ACBD6: variants seen among roughly 807,000 people sequenced by gnomAD.
ACBD6 encodes the protein acyl-CoA-binding domain-containing protein 6.
ACBD6 carries 28 observed loss-of-function variants against 37.2 expected under a neutral mutation model. That is an observed-to-expected ratio of 0.75 (90% confidence interval 0.56 to 1.03). The LOEUF (loss-of-function observed/expected upper bound fraction) is 1.03, where lower values mean the gene tolerates loss of function less well. Ranked by LOEUF, ACBD6 falls within the 50% of genes least tolerant of loss-of-function variation. The pLI is 0.00. For synonymous variants in ACBD6, 113 were observed against 126.8 expected, an observed-to-expected ratio of 0.89 and a Z score of 0.73; for missense variants, 340 against 337.4, an observed-to-expected ratio of 1.01 and a Z score of -0.06.
chr1:180,459,384 T>C (rs953363874), intron 3 of ACBD6, among the ~76,000 whole-genome samples: 9 of 152,184 alleles, frequency 5.9e-5, no homozygotes, highest in African/African-American at 2.2e-4. Flanking sequence ...CATAAAGCCA[T>C]AGACTGAAAT....
At chr1:180,452,713 A>C (rs1571530525) in intron 3 of ACBD6, among the ~76,000 whole-genome samples, 2 of 152,012 alleles carry the variant, frequency 1.3e-5, no homozygotes, top group African/African-American at 4.8e-5. Flanking sequence ...TAGACACAAC[A>C]AAAAATGATA....
intron 7 of ACBD6, among the ~76,000 whole-genome samples, chr1:180,313,706 T>A (rs1192445313): frequency 6.6e-6 from 1 of 152,156 alleles, no homozygotes; most frequent in African/African-American, 2.4e-5. Context: ...CCAAATAGAA[T>A]CTTTTTTCTT....
intron 7 of ACBD6, among the ~76,000 whole-genome samples, chr1:180,304,038 C>T (rs1431522863): frequency 1.3e-5 from 2 of 150,736 alleles, no homozygotes; most frequent in African/African-American, 2.4e-5. Context: ...CAGAAAAGGC[C>T]TTTGACAAAA....
chr1:180,371,589 G>T (rs570214288), intron 6 of ACBD6, among the ~76,000 whole-genome samples: 43 of 152,166 alleles, frequency 2.8e-4, no homozygotes, highest in African/African-American at 1.0e-3. Context: ...GGTGATCCAG[G>T]TTTCAGAACT....
At chr1:180,487,359 A>C (rs532055371) in intron 3 of ACBD6, among the ~76,000 whole-genome samples, 1 of 152,278 alleles carries the variant, frequency 6.6e-6, no homozygotes, top group East Asian at 1.9e-4. Flanking sequence ...CCTAAGTTTT[A>C]AACTGTGCAC....
intron 6 of ACBD6, among the ~76,000 whole-genome samples, chr1:180,360,737 C>G (rs1236078163): frequency 6.6e-6 from 1 of 152,088 alleles, no homozygotes; most frequent in East Asian, 1.9e-4. Context: ...TTATCTTATT[C>G]CTTAATTTTA....
chr1:180,455,722 T>C (rs1649890424), intron 3 of ACBD6, among the ~76,000 whole-genome samples: 1 of 152,190 alleles, frequency 6.6e-6, no homozygotes, highest in Non-Finnish European at 1.5e-5. Context: ...GATCTTGTCC[T>C]ATTACCACAA....
chr1:180,390,718 C>T (rs1159936656), intron 6 of ACBD6, among the ~76,000 whole-genome samples: 1 of 152,120 alleles, frequency 6.6e-6, no homozygotes, highest in African/African-American at 2.4e-5. Context: ...AGGTCCTTCA[C>T]GTCCCTTGTA....
At chr1:180,498,618 C>T (rs1651824498) in intron 1 of ACBD6, among the ~76,000 whole-genome samples, 1 of 152,034 alleles carries the variant, frequency 6.6e-6, no homozygotes, top group African/African-American at 2.4e-5. Flanking sequence ...CTTTGGGAGG[C>T]CAAGGCAGGT....
intron 7 of ACBD6, among the ~76,000 whole-genome samples, chr1:180,289,366 C>T (rs531101803): frequency 3.3e-5 from 5 of 152,186 alleles, no homozygotes; most frequent in South Asian, 2.1e-4. Flanking sequence ...ATGAGCATTC[C>T]ACATTATCAG....
intron 6 of ACBD6, among the ~76,000 whole-genome samples, chr1:180,394,156 C>A (rs1020816931): frequency 2.6e-5 from 4 of 152,150 alleles, no homozygotes; most frequent in African/African-American, 9.7e-5. Flanking sequence ...TGCAGTGGCA[C>A]AATCATAGTT....
At chr1:180,340,471 T>G (rs1363327422) in intron 6 of ACBD6, among the ~76,000 whole-genome samples, 1 of 151,974 alleles carries the variant, frequency 6.6e-6, no homozygotes, top group Non-Finnish European at 1.5e-5. Context: ...CAAGAGATTA[T>G]GGGAAAGAAG....
intron 8 of ACBD6, among the ~76,000 whole-genome samples, chr1:180,282,370 AC>A (rs1649338870): frequency 6.6e-6 from 1 of 152,164 alleles, no homozygotes. Flanking sequence ...TGGTCTTGGC[AC>A]ACATTTGGAG....
chr1:180,485,135 G>C (rs967502045), intron 3 of ACBD6, among the ~76,000 whole-genome samples: 1 of 151,446 alleles, frequency 6.6e-6, no homozygotes, highest in African/African-American at 2.4e-5. Context: ...TGTAATTTTA[G>C]ATCTGTCTTC....
intron 4 of ACBD6, among the ~76,000 whole-genome samples, chr1:180,427,709 G>A (rs2101993412): frequency 6.6e-6 from 1 of 152,218 alleles, no homozygotes; most frequent in African/African-American, 2.4e-5. Context: ...GGATCACGAG[G>A]TCAAGAGATC....
chr1:180,473,036 T>C (rs1157724644), intron 3 of ACBD6, among the ~76,000 whole-genome samples: 1 of 152,128 alleles, frequency 6.6e-6, no homozygotes, highest in Non-Finnish European at 1.5e-5. Context: ...AAATGCTCCA[T>C]GGACTATAAA....
At chr1:180,274,160 T>C in intron 10 of ACBD6, 1 of 1,614,078 alleles carries the variant, frequency 6.2e-7, no homozygotes, top group Non-Finnish European at 8.5e-7. Flanking sequence ...CAGCTGACAA[T>C]AAATCTCCGT....
chr1:180,348,439 G>C (rs1440842922), intron 6 of ACBD6, among the ~76,000 whole-genome samples: 1 of 152,208 alleles, frequency 6.6e-6, no homozygotes, highest in African/African-American at 2.4e-5. Context: ...GCAGGAAGAA[G>C]TGTAGGATCA....
chr1:180,283,270 C>T (rs1046657411), downstream of ACBD6, among the ~76,000 whole-genome samples: 2 of 152,122 alleles, frequency 1.3e-5, no homozygotes, highest in South Asian at 4.1e-4. Context: ...AATGTGGCTG[C>T]TGCCTAGTAC....
Sources: gnomAD v4.1 joint callset for allele counts (sites outside exome capture counted in the v4.1 genomes callset) on GRCh38, gnomAD v4.1.1 for gene constraint, MANE v1.5 for transcripts, NCBI Gene and HGNC (gene_info 2026-07-23, HGNC 2026-07-21) for gene names.